The following WIPF3 variants were observed in gnomAD, a reference collection of about 807,000 sequenced individuals.
WIPF3 encodes the protein WAS/WASL-interacting protein family member 3.
A neutral mutation model predicts 38.9 loss-of-function variants in WIPF3; 33 were observed. The ratio of observed to expected loss-of-function variants is 0.85; its 90% CI spans 0.64 to 1.14. The LOEUF is 1.14. Among genes scored for constraint, WIPF3 ranks in the 50% most tolerant of loss-of-function variants. The probability of loss-of-function intolerance (pLI) is 0.00; values close to 1 mark genes in which losing one functional copy is unlikely to be tolerated. For synonymous variants in WIPF3, 324 were observed against 269.3 expected, an observed-to-expected ratio of 1.20 and a Z score of -1.99; for missense variants, 711 against 652.5, an observed-to-expected ratio of 1.09 and a Z score of -0.98.
In WIPF3 at chr7:29,904,158, G is replaced by T. The variant is rs1185521015; in HGVS notation, c.1352-128G>T. ...ATAGAAGATGGGAGTGGTGGAAACAGACAGTCTAGGGCCAGGATCCTGAAG... is the reference window on the plus strand; with the variant it reads ...ATAGAAGATGGGAGTGGTGGAAACATACAGTCTAGGGCCAGGATCCTGAAG... On this transcript the variant is annotated intron_variant, in intron 7 of 8. Coordinates refer to ENST00000242140, the MANE Select transcript of WIPF3 (RefSeq NM_001080529.3). The T allele has an allele frequency of 3.9e-6, 3 of 776,370 alleles. No individual in the cohort carries two copies. The African/African-American group carries it at 5.2e-5, about 14-fold the overall frequency. 48.1% of individuals were successfully genotyped at this position (776,370 alleles called of 1,614,324 possible). A position where few individuals can be genotyped will look rare whatever the true frequency, so the allele number is the denominator to read the frequency against.
At chr7:29,898,078 C>T (rs894232212) in intron 7 of WIPF3, among the ~76,000 whole-genome samples, 2 of 152,324 alleles carry the variant, frequency 1.3e-5, no homozygotes, top group South Asian at 2.1e-4. Context: ...CCCTCAGCAC[C>T]ATGGTAAGCG....
chr7:29,853,312 G>A (rs1194900846), intron 2 of WIPF3, among the ~76,000 whole-genome samples: 1 of 152,196 alleles, frequency 6.6e-6, no homozygotes, highest in African/African-American at 2.4e-5. Flanking sequence ...AGCCCAGAGG[G>A]GAGGTGAAGT....
rs1488125232 is a variant in WIPF3 at position 29,884,534 on chromosome 7, C to T, written c.1040C>T (p.Ala347Val). The change falls in exon 5 of 9, where the codon GCC becomes GTC. Residue 347 changes from alanine to valine, a missense_variant. Physicochemically the swap from Ala to Val is moderately conservative, Grantham distance 64. Coordinates refer to ENST00000242140, the MANE Select transcript of WIPF3 (RefSeq NM_001080529.3). ...PQKAGAQALP[A>V]PPAPPGSQPF... is the part of the protein sequence containing the mutation. The stretch of plus-strand genomic sequence containing the variant: ...AAGGCCGGTGCGCAGGCCTTGCCCG[C>T]CCCGCCTGCCCCTCCGGGCTCCCAG... The T allele has an allele frequency of 3.1e-6, 5 of 1,595,636 alleles. No homozygotes were observed. The highest frequency in any genetic ancestry group is 4.3e-6 in the Non-Finnish European group (5 of 1,172,638).
At chr7:29,841,397 G>T (rs174934) in intron 2 of WIPF3, among the ~76,000 whole-genome samples, 113,065 of 152,124 alleles carry the variant, frequency 0.74, 42,531 homozygotes, top group Middle Eastern at 0.82. Flanking sequence ...AAGGGCTGAT[G>T]GAGCCTGCTG....
intron 7 of WIPF3, among the ~76,000 whole-genome samples, chr7:29,902,757 C>T (rs1019382904): frequency 5.3e-5 from 8 of 151,764 alleles, no homozygotes; most frequent in African/African-American, 1.9e-4. Flanking sequence ...ATCAGAATTG[C>T]TTGAACCTGG....
At chr7:29,807,091 T>C (rs554111230) in intron 1 of WIPF3, among the ~76,000 whole-genome samples, 2 of 151,922 alleles carry the variant, frequency 1.3e-5, no homozygotes, top group South Asian at 4.2e-4. Context: ...AACAAAAGGC[T>C]GGGGTCTCGC....
chr7:29,824,997 C>T (rs1784594259), intron 1 of WIPF3, among the ~76,000 whole-genome samples: 2 of 152,180 alleles, frequency 1.3e-5, no homozygotes, highest in Admixed American at 1.3e-4. Flanking sequence ...ATACTACCTC[C>T]CATCTGCACA....
At chr7:29,814,321 A>G (rs1477697072) in intron 1 of WIPF3, among the ~76,000 whole-genome samples, 1 of 152,196 alleles carries the variant, frequency 6.6e-6, no homozygotes, top group Non-Finnish European at 1.5e-5. Flanking sequence ...TGCCTGGCAC[A>G]TAGTAACCTT....
At chr7:29,808,172 A>G (rs919119381) in intron 1 of WIPF3, among the ~76,000 whole-genome samples, 22 of 152,250 alleles carry the variant, frequency 1.4e-4, no homozygotes, top group African/African-American at 5.3e-4. Flanking sequence ...AAAAGTAAAT[A>G]AAAATGTGAT....
intron 2 of WIPF3, 48 bp downstream of exon 2, chr7:29,834,862 G>T: frequency 6.6e-7 from 1 of 1,505,042 alleles, no homozygotes; most frequent in South Asian, 1.2e-5. Flanking sequence ...TAAACTGCTT[G>T]AATACACTTG....
chr7:29,861,152 C>T (rs1785267918), intron 2 of WIPF3, among the ~76,000 whole-genome samples: 1 of 152,142 alleles, frequency 6.6e-6, no homozygotes, highest in South Asian at 2.1e-4. Context: ...TCCTGAGCCT[C>T]ACCATGGAAG....
chr7:29,874,131 T>C (rs1785544526), intron 2 of WIPF3, among the ~76,000 whole-genome samples: 1 of 152,004 alleles, frequency 6.6e-6, no homozygotes, highest in Non-Finnish European at 1.5e-5. Flanking sequence ...CACAGTGGCT[T>C]AACTCGCTAT....
intron 2 of WIPF3, among the ~76,000 whole-genome samples, chr7:29,867,180 A>G (rs1400584228): frequency 1.3e-5 from 2 of 152,186 alleles, no homozygotes; most frequent in East Asian, 1.9e-4. Flanking sequence ...TAATTCCTTT[A>G]CCCAAACGCC....
chr7:29,850,857 C>G (rs1056566374), intron 2 of WIPF3, among the ~76,000 whole-genome samples: 1 of 152,204 alleles, frequency 6.6e-6, no homozygotes, highest in African/African-American at 2.4e-5. Context: ...ACCTGGCTCC[C>G]GAGTTTAGTC....
intron 1 of WIPF3, among the ~76,000 whole-genome samples, chr7:29,817,823 A>G (rs981900526): frequency 3.3e-5 from 5 of 152,194 alleles, no homozygotes; most frequent in Non-Finnish European, 7.4e-5. Context: ...GAGTAGTTAT[A>G]AAAAGCAAAC....
intron 1 of WIPF3, among the ~76,000 whole-genome samples, chr7:29,809,698 T>C (rs917444946): frequency 1.3e-5 from 2 of 152,212 alleles, no homozygotes; most frequent in Non-Finnish European, 2.9e-5. Flanking sequence ...CGTCTTTCCT[T>C]AGACCTGTTC....
Position 29,884,184 on chromosome 7 carries a change from T to TC in WIPF3, c.695dup (p.Thr233AsnfsTer12). 2.2e-6 allele frequency: 2 copies of TC among 919,932 alleles called. No homozygotes were observed. Among genetic ancestry groups the TC allele is most frequent in the Non-Finnish European group, 2.6e-6 (2 of 761,742 alleles). The allele number at this position is 919,932 out of a possible 1,614,324, so 57.0% of individuals were successfully genotyped here. A position where few individuals can be genotyped will look rare whatever the true frequency, so the allele number is the denominator to read the frequency against. ...CGCCACCACCTCCACCTCCGCCACC[T>TC]CCCCCAACGCCACCCCCGCTGCCCC... On this transcript the variant is annotated frameshift_variant, in exon 5 of 9. Coordinates refer to ENST00000242140, the MANE Select transcript of WIPF3 (RefSeq NM_001080529.3). LOFTEE classifies it high-confidence loss of function.
intron 2 of WIPF3, among the ~76,000 whole-genome samples, chr7:29,843,165 G>A (rs1046461830): frequency 7.2e-5 from 11 of 152,348 alleles, no homozygotes; most frequent in African/African-American, 2.6e-4. Flanking sequence ...TGGCTTTAGT[G>A]AAAAATGAGC....
chr7:29,863,768 C>A (rs1785340150), intron 2 of WIPF3, among the ~76,000 whole-genome samples: 1 of 152,182 alleles, frequency 6.6e-6, no homozygotes, highest in South Asian at 2.1e-4. Flanking sequence ...TTTTAAGAAT[C>A]CATATGCTGT....
Sources: allele counts gnomAD v4.1 joint callset (sites outside exome capture counted in the v4.1 genomes callset), GRCh38; gene constraint gnomAD v4.1.1; transcripts MANE v1.5; gene names NCBI Gene and HGNC (gene_info 2026-07-23, HGNC 2026-07-21).